LINGO2: variants seen among roughly 807,000 people sequenced by gnomAD.
The protein encoded by LINGO2 is leucine rich repeat and Ig domain containing 2.
A neutral mutation model predicts 30.6 loss-of-function variants in LINGO2; 14 were observed. The ratio of observed to expected loss-of-function variants is 0.46; its 90% CI spans 0.30 to 0.72. LINGO2 has a LOEUF of 0.72. Among genes scored for constraint, LINGO2 ranks in the 30% least tolerant of loss-of-function variants. LINGO2 has a pLI of 0.07. For missense variants in LINGO2, 729 were observed against 751.7 expected, an observed-to-expected ratio of 0.97 and a Z score of 0.35; for synonymous variants, 317 against 288.5, an observed-to-expected ratio of 1.10 and a Z score of -1.00.
chr9:28,882,275 CCTGT>C, the LINGO2 span, among the ~76,000 whole-genome samples: 1 of 152,148 alleles, frequency 6.6e-6, no homozygotes, highest in Non-Finnish European at 1.5e-5. Flanking sequence ...AACAGCATTA[CCTGT>C]CTAACAGCAT....
chr9:28,663,711 AAAGAACACATAAACCAT>A (rs1828676571), intron 1 of LINGO2, among the ~76,000 whole-genome samples: 1 of 152,210 alleles, frequency 6.6e-6, no homozygotes, highest in Non-Finnish European at 1.5e-5. Flanking sequence ...ATGGGTATAT[AAAGAACACATAAACCAT>A]TTAAAAAGGT....
At chr9:27,949,406 T>A in exon 6 of LINGO2, 1 of 1,614,146 alleles carries the variant, frequency 6.2e-7, no homozygotes, top group Non-Finnish European at 8.5e-7. Context: ...GCCCTTCATC[T>A]ACTAGCAGAT....
the LINGO2 span, among the ~76,000 whole-genome samples, chr9:29,000,964 A>C: frequency 6.6e-6 from 1 of 151,988 alleles, no homozygotes; most frequent in Non-Finnish European, 1.5e-5. Flanking sequence ...ATAATATCAG[A>C]ATTTTTTATA....
At chr9:27,973,929 G>C (rs1820472766) in intron 5 of LINGO2, among the ~76,000 whole-genome samples, 1 of 152,144 alleles carries the variant, frequency 6.6e-6, no homozygotes, top group Non-Finnish European at 1.5e-5. Flanking sequence ...CCCAGATTAT[G>C]AGTCTGTGGG....
chr9:28,178,598 A>G (rs967618582), intron 4 of LINGO2, among the ~76,000 whole-genome samples: 1 of 152,150 alleles, frequency 6.6e-6, no homozygotes, highest in African/African-American at 2.4e-5. Flanking sequence ...TTATCTTCTC[A>G]ATGTTCACGG....
intron 4 of LINGO2, among the ~76,000 whole-genome samples, chr9:28,054,534 ATGAAGTT>A (rs1450088482): frequency 6.6e-6 from 1 of 152,134 alleles, no homozygotes; most frequent in East Asian, 1.9e-4. Flanking sequence ...TGTTTACTGC[ATGAAGTT>A]TGAAGTTCCA....
intron 4 of LINGO2, among the ~76,000 whole-genome samples, chr9:28,094,734 T>C (rs1300943791): frequency 6.6e-6 from 1 of 152,088 alleles, no homozygotes; most frequent in Non-Finnish European, 1.5e-5. Flanking sequence ...TGTCTTTCAT[T>C]AACAACATTT....
intron 1 of LINGO2, among the ~76,000 whole-genome samples, chr9:28,529,764 T>C (rs946971920): frequency 1.3e-5 from 2 of 152,110 alleles, no homozygotes; most frequent in African/African-American, 4.8e-5. Context: ...TGAATACCAG[T>C]TCTTTCCCAG....
At chr9:28,790,620 C>A in the LINGO2 span, among the ~76,000 whole-genome samples, 12 of 152,152 alleles carry the variant, frequency 7.9e-5, no homozygotes, top group African/African-American at 2.6e-4. Flanking sequence ...AGGCGTGAGC[C>A]ACCACGCCTG....
In LINGO2 at chr9:28,147,440, C is replaced by T. The variant is rs564942271; in HGVS notation, c.-86-135035G>A. On this transcript the variant is annotated intron_variant, in intron 4 of 5. Coordinates refer to ENST00000379992, the Ensembl canonical transcript of LINGO2. This position sits in a 1 kb window ranked among gnomAD's most constrained non-coding sequence, Gnocchi z 4.7. ...GTTCTCTCTTTGGAAACCTGTGGAG[C>T]GAGGCTGGTGGCCCTTGAGGCCACG... is the stretch of plus-strand genomic sequence containing the variant. Among the ~76,000 whole-genome samples, 28 of 152,318 alleles carry T rather than the reference C, an allele frequency of 1.8e-4. No individual in the cohort carries two copies. The East Asian group carries it at 3.1e-3, about 17-fold the overall frequency.
At chr9:28,050,756 T>C (rs183415387) in intron 4 of LINGO2, among the ~76,000 whole-genome samples, 2 of 151,008 alleles carry the variant, frequency 1.3e-5, no homozygotes, top group East Asian at 3.9e-4. Flanking sequence ...TAGCATGCCA[T>C]GATGTCTACA....
chr9:27,962,829 C>G (rs1014725745), intron 5 of LINGO2, among the ~76,000 whole-genome samples: 11 of 152,222 alleles, frequency 7.2e-5, no homozygotes, highest in African/African-American at 2.6e-4. Flanking sequence ...AAGCTAAAAT[C>G]TATAGGGAGT....
At chr9:28,362,921 G>C (rs909489595) in intron 3 of LINGO2, among the ~76,000 whole-genome samples, 1 of 152,232 alleles carries the variant, frequency 6.6e-6, no homozygotes, top group South Asian at 2.1e-4. Flanking sequence ...GATGTCTGTC[G>C]CATTTTTATT....
chr9:28,282,527 GTTTTCATTCTGCTGCAAGTTCA>G (rs1325528551), intron 4 of LINGO2, among the ~76,000 whole-genome samples: 25 of 151,856 alleles, frequency 1.6e-4, no homozygotes, highest in African/African-American at 6.0e-4. Flanking sequence ...AGTGAAGTAT[GTTTTCATTCTGCTGCAAGTTCA>G]TGCCAGGAGA....
intron 4 of LINGO2, among the ~76,000 whole-genome samples, chr9:28,272,563 C>A (rs1379299206): frequency 6.6e-6 from 1 of 151,986 alleles, no homozygotes; most frequent in African/African-American, 2.4e-5. Flanking sequence ...ACTCAATTTA[C>A]AAATCATTAG....
intron 5 of LINGO2, among the ~76,000 whole-genome samples, chr9:27,991,577 G>C (rs1453943965): frequency 6.6e-6 from 1 of 151,984 alleles, no homozygotes; most frequent in Non-Finnish European, 1.5e-5. Context: ...CCCCCAAAAA[G>C]GATATAGACA....
intron 1 of LINGO2, among the ~76,000 whole-genome samples, chr9:28,525,081 T>C (rs1820967571): frequency 6.6e-6 from 1 of 151,978 alleles, no homozygotes; most frequent in South Asian, 2.1e-4. Flanking sequence ...AAAATATATA[T>C]GAATCACGAA....
intron 1 of LINGO2, among the ~76,000 whole-genome samples, chr9:28,588,828 C>A (rs1824710558): frequency 6.6e-6 from 1 of 152,014 alleles, no homozygotes; most frequent in Non-Finnish European, 1.5e-5. Context: ...GAACTTGTGG[C>A]AACTGCCTCC....
At chr9:28,800,165 C>A in the LINGO2 span, among the ~76,000 whole-genome samples, 6 of 151,984 alleles carry the variant, frequency 3.9e-5, no homozygotes, top group Non-Finnish European at 7.4e-5. Context: ...CTTTCTATAT[C>A]AACATAGGTT....
Sources: gnomAD v4.1 joint callset for allele counts (sites outside exome capture counted in the v4.1 genomes callset) on GRCh38, gnomAD v4.1.1 for gene constraint, Gnocchi (gnomAD v3.1) non-coding constraint, MANE v1.5 for transcripts, NCBI Gene and HGNC (gene_info 2026-07-23, HGNC 2026-07-21) for gene names.